Variants in MPP7 observed in about 807,000 individuals in gnomAD.
The protein encoded by MPP7 is MAGUK p55 scaffold protein 7.
MPP7 carries 60 observed loss-of-function variants against 76.5 expected under a neutral mutation model. The observed-to-expected ratio is 0.78, with a 90% CI of 0.64 to 0.97. The LOEUF is 0.97. MPP7 is among the 50% of genes least tolerant of loss of function. The pLI is 0.00. For missense variants in MPP7, 641 were observed against 694.0 expected (o/e 0.92, Z 0.86); for synonymous variants, 237 against 244.5 (o/e 0.97, Z 0.29).
intron 11 of MPP7, among the ~76,000 whole-genome samples, chr10:28,093,434 T>C (rs1319828368): frequency 6.6e-6 from 1 of 151,550 alleles, no homozygotes; most frequent in South Asian, 2.1e-4. Flanking sequence ...CACTTAAGTT[T>C]TTACTTTCCT....
intron 5 of MPP7, among the ~76,000 whole-genome samples, chr10:28,134,135 T>C (rs1835281827): frequency 6.6e-6 from 1 of 152,218 alleles, no homozygotes; most frequent in African/African-American, 2.4e-5. Context: ...TTTTCAATTA[T>C]ACTTCTACTA....
chr10:28,083,718 A>G (rs2133419274), intron 12 of MPP7, among the ~76,000 whole-genome samples: 1 of 151,796 alleles, frequency 6.6e-6, no homozygotes, highest in African/African-American at 2.4e-5. Context: ...TTGTATTTTT[A>G]GTAGAGACAG....
At chr10:28,289,558 G>A (rs934263690) in intron 1 of MPP7, among the ~76,000 whole-genome samples, 6 of 152,140 alleles carry the variant, frequency 3.9e-5, no homozygotes, top group Non-Finnish European at 8.8e-5. Flanking sequence ...TTTTTTGCGT[G>A]TTTAAGAGAT....
At chr10:28,146,818 C>T (rs1835725464) in intron 5 of MPP7, among the ~76,000 whole-genome samples, 1 of 152,108 alleles carries the variant, frequency 6.6e-6, no homozygotes, top group Non-Finnish European at 1.5e-5. Context: ...GCCCCAGCGT[C>T]AAGTCCAAAA....
At chr10:28,096,042 T>G (rs1321146725) in intron 11 of MPP7, among the ~76,000 whole-genome samples, 1 of 152,216 alleles carries the variant, frequency 6.6e-6, no homozygotes, top group African/African-American at 2.4e-5. Flanking sequence ...AGTAGAAAAT[T>G]TATGATGACT....
chr10:28,064,908 A>G (rs1358356629), intron 13 of MPP7, among the ~76,000 whole-genome samples: 1 of 152,142 alleles, frequency 6.6e-6, no homozygotes, highest in Non-Finnish European at 1.5e-5. Flanking sequence ...CACAAACACT[A>G]AAGTTTTGCA....
chr10:28,216,871 T>C (rs1185014570), intron 2 of MPP7, among the ~76,000 whole-genome samples: 2 of 152,190 alleles, frequency 1.3e-5, no homozygotes, highest in East Asian at 3.8e-4. Flanking sequence ...TCCTCATTTT[T>C]TTTTTTGGCA....
At chr10:28,252,798 A>G (rs572371328) in intron 1 of MPP7, among the ~76,000 whole-genome samples, 16 of 152,302 alleles carry the variant, frequency 1.1e-4, no homozygotes, top group African/African-American at 3.9e-4. Flanking sequence ...ATTTCTCCTG[A>G]TAATAAAAGC....
At chr10:28,083,881 C>T (rs1391800302) in intron 12 of MPP7, among the ~76,000 whole-genome samples, 3 of 152,070 alleles carry the variant, frequency 2.0e-5, no homozygotes, top group Admixed American at 1.3e-4. Context: ...TACAATTCGC[C>T]TGAAGAGAAA....
intron 12 of MPP7, among the ~76,000 whole-genome samples, chr10:28,086,263 C>A (rs1853004337): frequency 6.6e-6 from 1 of 151,936 alleles, no homozygotes. Context: ...ATGTAACAAA[C>A]CTGCATATTC....
chr10:28,144,604 C>T (rs1835644443), intron 5 of MPP7, among the ~76,000 whole-genome samples: 1 of 152,142 alleles, frequency 6.6e-6, no homozygotes, highest in Non-Finnish European at 1.5e-5. Context: ...CTTCCCTGTA[C>T]CTAAATCATT....
At chr10:28,143,091 A>G (rs1008803010) in intron 5 of MPP7, among the ~76,000 whole-genome samples, 1 of 151,770 alleles carries the variant, frequency 6.6e-6, no homozygotes, top group African/African-American at 2.4e-5. Context: ...ACAAAATGCC[A>G]AAAATATTAA....
intron 16 of MPP7, 33 bp downstream of exon 16, chr10:28,056,447 C>T (rs759445427): frequency 2.5e-6 from 4 of 1,597,108 alleles, no homozygotes; most frequent in Non-Finnish European, 2.6e-6. Flanking sequence ...GTGTGGGCCA[C>T]CACACCTGGC....
rs1245252584 is a variant in MPP7 at position 28,331,943 on chromosome 10, G to A, written c.-205-1941C>T. On this transcript the variant is annotated intron_variant, in intron 1 of 11. Transcript: ENST00000441595. ...TCCTACAATTCATCTCCTTGGTATTGCTGAAGTCACAGGCACTAATTCCAG... is the reference window on the plus strand; with the variant it reads ...TCCTACAATTCATCTCCTTGGTATTACTGAAGTCACAGGCACTAATTCCAG... 2.6e-5 allele frequency among the ~76,000 whole-genome samples: 4 copies of A among 152,220 alleles called. No homozygotes were observed. The South Asian group carries it at 8.3e-4, about 32-fold the overall frequency.
At chr10:28,317,418 C>G (rs1361906694) in intron 2 of MPP7, among the ~76,000 whole-genome samples, 1 of 152,098 alleles carries the variant, frequency 6.6e-6, no homozygotes, top group African/African-American at 2.4e-5. Context: ...GTAGCCTCAA[C>G]TACTTGCGAG....
intron 1 of MPP7, among the ~76,000 whole-genome samples, chr10:28,302,610 A>T (rs1424897875): frequency 6.6e-6 from 1 of 151,684 alleles, no homozygotes; most frequent in Non-Finnish European, 1.5e-5. Context: ...GCGCGTCAAC[A>T]GGGGTCTCCA....
Position 28,163,992 on chromosome 10 carries a change from G to T in MPP7, c.157-13933C>A, listed in dbSNP as rs150930942. Among the ~76,000 whole-genome samples the T allele has an allele frequency of 4.4e-3, 666 of 151,738 alleles. 1 individual carries two copies. The highest frequency in any genetic ancestry group is 6.8e-3 in the Middle Eastern group (2 of 294). The stretch of plus-strand genomic sequence containing the variant: ...TGCTGCCATTTACCGAAACACAGAA[G>T]TCTGAAGAAGTAGAGATCAAATGTA... On this transcript the variant is annotated intron_variant, in intron 3 of 16. Transcript: ENST00000683449.
At chr10:28,147,840 C>T (rs887942399) in intron 4 of MPP7, among the ~76,000 whole-genome samples, 2 of 152,168 alleles carry the variant, frequency 1.3e-5, no homozygotes, top group African/African-American at 4.8e-5. Flanking sequence ...CCCAGCACTT[C>T]GTCCATGTGA....
chr10:28,105,459 T>G (rs1022753600), intron 11 of MPP7, among the ~76,000 whole-genome samples: 3 of 152,170 alleles, frequency 2.0e-5, no homozygotes, highest in African/African-American at 7.2e-5. Flanking sequence ...TGCGATGAAC[T>G]GAAGTGCTCT....
Sources: allele counts gnomAD v4.1 joint callset (sites outside exome capture counted in the v4.1 genomes callset), GRCh38; gene constraint gnomAD v4.1.1; transcripts MANE v1.5; gene names NCBI Gene and HGNC (gene_info 2026-07-23, HGNC 2026-07-21).